PLS1: variants seen among roughly 807,000 people sequenced by gnomAD.
PLS1 encodes the protein plastin 1, also known as plastin-1.
Under a neutral mutation model 73.7 loss-of-function variants are expected in PLS1, and 32 were observed. The ratio of observed to expected loss-of-function variants is 0.43; its 90% CI spans 0.33 to 0.58. The LOEUF (loss-of-function observed/expected upper bound fraction) is 0.58. Among genes scored for constraint, PLS1 ranks in the 20% least tolerant of loss-of-function variants. PLS1 has a pLI of 0.04. For synonymous variants in PLS1, 217 were observed against 261.3 expected (o/e 0.83, Z 1.63); for missense variants, 633 against 740.5 (o/e 0.85, Z 1.68).
chr3:142,704,665 T>TTTTTTTTTG (rs2038417048), intron 14 of PLS1, 79 bp downstream of exon 14: 2 of 552,184 alleles, frequency 3.6e-6, no homozygotes, highest in Non-Finnish European at 5.6e-6. Flanking sequence ...TTTTTTTTTT[T>TTTTTTTTTG]GGAGATGGAG....
intron 1 of PLS1, among the ~76,000 whole-genome samples, chr3:142,631,294 A>C (rs1034300385): frequency 1.3e-5 from 2 of 151,974 alleles, no homozygotes; most frequent in Non-Finnish European, 2.9e-5. Flanking sequence ...TGGGCGGATC[A>C]CTGGAGGTCA....
chr3:142,658,824 G>T (rs538046504), intron 1 of PLS1, among the ~76,000 whole-genome samples: 191 of 152,232 alleles, frequency 1.3e-3, no homozygotes, highest in African/African-American at 4.5e-3. Context: ...TGGTTTACTG[G>T]TTATTCACAT....
intron 4 of PLS1, among the ~76,000 whole-genome samples, chr3:142,672,128 C>T (rs938969060): frequency 1.3e-5 from 2 of 152,070 alleles, no homozygotes; most frequent in African/African-American, 4.8e-5. Context: ...AAGTATATGG[C>T]TCAATGAATT....
In PLS1 at chr3:142,689,712, G is replaced by A; in HGVS notation, c.1076G>A (p.Gly359Asp). Residue 359 changes from glycine to aspartate, a missense_variant, in exon 10 of 16, where the codon GGC (glycine) becomes GAC (aspartate). Coordinates refer to ENST00000457734, the MANE Select transcript of PLS1 (RefSeq NM_001145319.2). ...QFVTPADVVS[G>D]NPKLNLAFVA... ...GTTACTCCTGCAGATGTGGTTTCAGGCAATCCTAAACTTAATTTAGCTTTT... is the reference window on the plus strand; with the variant it reads ...GTTACTCCTGCAGATGTGGTTTCAGACAATCCTAAACTTAATTTAGCTTTT... The A allele has an allele frequency of 1.2e-6, 2 of 1,610,870 alleles. No individual in the cohort carries two copies. The highest frequency in any genetic ancestry group is 1.7e-6 in the Non-Finnish European group (2 of 1,178,372).
chr3:142,602,510 T>C (rs553089461), intron 1 of PLS1, among the ~76,000 whole-genome samples: 91 of 152,152 alleles, frequency 6.0e-4, no homozygotes, highest in Middle Eastern at 3.4e-3. Flanking sequence ...ATTTTTAAGA[T>C]TGGGGAGTTG....
chr3:142,678,161 A>G, intron 6 of PLS1, 48 bp downstream of exon 6: 1 of 841,994 alleles, frequency 1.2e-6, no homozygotes, highest in Non-Finnish European at 1.8e-6. Context: ...GCTGAGAAAT[A>G]TAAGACCTTT....
intron 14 of PLS1, among the ~76,000 whole-genome samples, chr3:142,707,796 G>T (rs563264385): frequency 2.0e-5 from 3 of 152,312 alleles, no homozygotes; most frequent in Non-Finnish European, 4.4e-5. Flanking sequence ...ACAGTATGGG[G>T]TGTCAGCAAT....
rs2038406348 is a variant in PLS1 at position 142,704,446 on chromosome 3, C to CT, written c.1506-17_1506-16insT. On this transcript the variant is annotated splice_polypyrimidine_tract_variant and intron_variant, in intron 13 of 15. Coordinates refer to ENST00000457734, the MANE Select transcript of PLS1 (RefSeq NM_001145319.2). ...TTCACCCTTTTCAGTCTCAAATATA[C>CT]ATCTTTTCTGTTGCAGGTACACATT... 3.1e-6 allele frequency: 5 copies of CT among 1,589,310 alleles called. No individual in the cohort carries two copies. In the African/African-American group the frequency reaches 6.8e-5, roughly 22 times the overall value.
At chr3:142,646,493 A>G (rs561976183) in intron 1 of PLS1, among the ~76,000 whole-genome samples, 1 of 152,244 alleles carries the variant, frequency 6.6e-6, no homozygotes, top group Non-Finnish European at 1.5e-5. Flanking sequence ...CAGAAGGCAA[A>G]TGAGTATAGG....
At chr3:142,605,563 G>T (rs1246645678) in intron 1 of PLS1, among the ~76,000 whole-genome samples, 1 of 152,140 alleles carries the variant, frequency 6.6e-6, no homozygotes, top group Non-Finnish European at 1.5e-5. Flanking sequence ...TAGAGACATG[G>T]TTTCTCCATG....
intron 1 of PLS1, among the ~76,000 whole-genome samples, chr3:142,636,206 A>G (rs2036686283): frequency 6.6e-6 from 1 of 152,184 alleles, no homozygotes; most frequent in African/African-American, 2.4e-5. Flanking sequence ...TAGACATTTT[A>G]TAAAGTTACA....
intron 1 of PLS1, among the ~76,000 whole-genome samples, chr3:142,610,697 A>G (rs964023819): frequency 1.3e-5 from 2 of 152,156 alleles, no homozygotes; most frequent in Non-Finnish European, 2.9e-5. Context: ...TTAGAATGAT[A>G]GGATGACAAA....
chr3:142,615,078 A>G (rs2036191236), intron 1 of PLS1, among the ~76,000 whole-genome samples: 1 of 152,116 alleles, frequency 6.6e-6, no homozygotes, highest in African/African-American at 2.4e-5. Context: ...CAAGGATGGA[A>G]AAGGAGGGTA....
intron 1 of PLS1, among the ~76,000 whole-genome samples, chr3:142,638,092 C>T (rs2036737757): frequency 6.6e-6 from 1 of 152,074 alleles, no homozygotes; most frequent in Non-Finnish European, 1.5e-5. Context: ...ACCTGAGATT[C>T]CAAAATTCCT....
At chr3:142,637,133 T>G (rs1189460048) in intron 1 of PLS1, among the ~76,000 whole-genome samples, 1 of 152,228 alleles carries the variant, frequency 6.6e-6, no homozygotes, top group Non-Finnish European at 1.5e-5. Flanking sequence ...GCAGCTTTTT[T>G]GTAATAACCA....
At chr3:142,631,035 A>C (rs1042499286) in intron 1 of PLS1, among the ~76,000 whole-genome samples, 1 of 151,844 alleles carries the variant, frequency 6.6e-6, no homozygotes, top group Non-Finnish European at 1.5e-5. Context: ...GGGCAGAGAC[A>C]GTCTGTTCAA....
intron 9 of PLS1, 69 bp downstream of exon 9, chr3:142,686,445 C>T: frequency 2.1e-6 from 2 of 931,418 alleles, no homozygotes; most frequent in Non-Finnish European, 3.6e-6. Flanking sequence ...CCATTTTTAT[C>T]ATTTTCAGTG....
At chr3:142,693,424 T>G (rs895147759) in intron 10 of PLS1, among the ~76,000 whole-genome samples, 6 of 152,222 alleles carry the variant, frequency 3.9e-5, no homozygotes, top group African/African-American at 1.4e-4. Flanking sequence ...ATGTGCCAAA[T>G]TGTCCTGTGA....
chr3:142,647,244 G>T (rs2036971712), intron 1 of PLS1, among the ~76,000 whole-genome samples: 1 of 152,192 alleles, frequency 6.6e-6, no homozygotes, highest in Non-Finnish European at 1.5e-5. Flanking sequence ...AATTAAAAGT[G>T]ATGTTGTTAA....
Sources: gnomAD v4.1 joint callset for allele counts (sites outside exome capture counted in the v4.1 genomes callset) on GRCh38, gnomAD v4.1.1 for gene constraint, MANE v1.5 for transcripts, NCBI Gene and HGNC (gene_info 2026-07-23, HGNC 2026-07-21) for gene names.